RTF2: variants seen among roughly 807,000 people sequenced by gnomAD.
RTF2 encodes UPF0549 protein C20orf43.
A neutral mutation model predicts 38.0 loss-of-function variants in RTF2; 18 were observed. The observed-to-expected ratio is 0.47, with a 90% CI of 0.33 to 0.70. The LOEUF is 0.70. RTF2 is among the 30% of genes least tolerant of loss of function. The pLI, the probability that RTF2 is intolerant of heterozygous loss-of-function variation, is 0.02. For synonymous variants in RTF2, 126 were observed against 137.1 expected, an observed-to-expected ratio of 0.92 and a Z score of 0.57; for missense variants, 311 against 379.6, an observed-to-expected ratio of 0.82 and a Z score of 1.50.
chr20:56,473,374 T>C lies in RTF2; in HGVS notation c.143T>C (p.Ile48Thr), dbSNP rs763848279. 14 of 1,612,744 alleles carry C rather than the reference T, an allele frequency of 8.7e-6. No homozygotes were observed. The highest frequency in any genetic ancestry group is 2.7e-5 in the African/African-American group (2 of 74,882). Residue 48 changes from isoleucine to threonine, a missense_variant, in exon 2 of 9, where the codon ATA becomes ACA. Physicochemically the swap from Ile to Thr is moderately conservative, Grantham distance 89 (BLOSUM62 -1). Transcript: ENST00000357348. Reference sequence around the variant, plus strand: ...AGTCAGGAAATATTAAGACGACCAATAGTTGCCTGTGAACTTGGCAGGTAT... The same window carrying C: ...AGTCAGGAAATATTAAGACGACCAACAGTTGCCTGTGAACTTGGCAGGTAT... ...TLSQEILRRP[I>T]VACELGRLYN...
chr20:56,494,723 A>G (rs552799962), intron 5 of RTF2, among the ~76,000 whole-genome samples: 1 of 152,302 alleles, frequency 6.6e-6, no homozygotes, highest in African/African-American at 2.4e-5. Context: ...CTAGTCTGGT[A>G]TTTGATTTAC....
At chr20:56,487,258 C>T (rs1032187550) in intron 5 of RTF2, among the ~76,000 whole-genome samples, 1 of 152,172 alleles carries the variant, frequency 6.6e-6, no homozygotes, top group Non-Finnish European at 1.5e-5. Context: ...GGAAATACAG[C>T]GTTACAAGGG....
At position 56,473,340 on chromosome 20, in the gene RTF2, T is replaced by A. The variant is rs1438518574; in HGVS notation, c.109T>A (p.Cys37Ser). The change falls in exon 2 of 9, where the codon TGT (cysteine) becomes AGT (serine). Residue 37 changes from cysteine (C) to serine (S), a missense_variant. Transcript: ENST00000357348. ...TGAATTAGTGGCCCAATGGAACTATTGTACTCTAAGTCAGGAAATATTAAG... is the reference window on the plus strand; with the variant it reads ...TGAATTAGTGGCCCAATGGAACTATAGTACTCTAAGTCAGGAAATATTAAG... ...DAELVAQWNY[C>S]TLSQEILRRP... 1 of 1,613,938 alleles carries A rather than the reference T, an allele frequency of 6.2e-7. No individual in the cohort carries two copies. Among genetic ancestry groups the A allele is most frequent in the East Asian group, 2.2e-5 (1 of 44,888 alleles).
intron 8 of RTF2, among the ~76,000 whole-genome samples, chr20:56,517,550 A>C (rs1423092673): frequency 3.3e-5 from 5 of 152,114 alleles, no homozygotes; most frequent in African/African-American, 1.2e-4. Flanking sequence ...GAATGCCCCC[A>C]GTTTCTTTAC....
At position 56,484,110 on chromosome 20, in the gene RTF2, G is replaced by C; in HGVS notation, c.399-1G>C. ...CTTCCCCCACTGGGTTATTTCTCCAGGTTCTGCTTCCTTCGGTGCTGCGGC... is the reference window on the plus strand; with the variant it reads ...CTTCCCCCACTGGGTTATTTCTCCACGTTCTGCTTCCTTCGGTGCTGCGGC... On this transcript the variant is annotated splice_acceptor_variant, in intron 4 of 8. Transcript: ENST00000357348. LOFTEE classifies it high-confidence loss of function. The C allele has an allele frequency of 6.2e-7, 1 of 1,614,008 alleles. No individual in the cohort carries two copies. The highest frequency in any genetic ancestry group is 1.3e-5 in the African/African-American group (1 of 75,016).
At chr20:56,482,332 T>C (rs892158728) in intron 4 of RTF2, among the ~76,000 whole-genome samples, 2 of 152,252 alleles carry the variant, frequency 1.3e-5, no homozygotes, top group Non-Finnish European at 2.9e-5. Flanking sequence ...TTACATATGA[T>C]ACCTAATACA....
intron 4 of RTF2, 130 bp downstream of exon 4, chr20:56,477,254 G>A: frequency 9.9e-7 from 1 of 1,008,038 alleles, no homozygotes; most frequent in Non-Finnish European, 1.5e-6. Flanking sequence ...TGGCGCCTTG[G>A]AGGAAATGGT....
intron 5 of RTF2, among the ~76,000 whole-genome samples, chr20:56,494,816 A>G (rs770263249): frequency 6.6e-6 from 1 of 152,168 alleles, no homozygotes; most frequent in Non-Finnish European, 1.5e-5. Flanking sequence ...TTTATTTTTA[A>G]TATCTAGTCT....
intron 5 of RTF2, among the ~76,000 whole-genome samples, chr20:56,501,500 T>C (rs1197415324): frequency 2.0e-5 from 3 of 152,180 alleles, no homozygotes; most frequent in Non-Finnish European, 4.4e-5. Context: ...AGATACTTCT[T>C]GTAAAGGCTG....
At chr20:56,515,663 GAGAC>G (rs1568713963) in intron 6 of RTF2, 27 of 111,568 alleles carry the variant, frequency 2.4e-4, no homozygotes, top group African/African-American at 9.4e-4. Context: ...GTCTCAGACA[GAGAC>G]ACACACACAC....
At chr20:56,511,334 G>A (rs770347167) in intron 5 of RTF2, among the ~76,000 whole-genome samples, 4 of 151,916 alleles carry the variant, frequency 2.6e-5, no homozygotes, top group Non-Finnish European at 2.9e-5. Context: ...TGTGAACTGC[G>A]CACGTGAGGG....
At chr20:56,473,765 G>A (rs1274931396) in intron 2 of RTF2, among the ~76,000 whole-genome samples, 1 of 152,138 alleles carries the variant, frequency 6.6e-6, no homozygotes, top group Non-Finnish European at 1.5e-5. Flanking sequence ...GCATGATCCT[G>A]TAGTCCCAGC....
At chr20:56,479,955 C>T (rs540926919) in intron 4 of RTF2, among the ~76,000 whole-genome samples, 1 of 151,954 alleles carries the variant, frequency 6.6e-6, no homozygotes, top group Non-Finnish European at 1.5e-5. Context: ...GACTTACCAT[C>T]ATTCTTAAGA....
At chr20:56,493,111 G>A (rs1983278021) in intron 5 of RTF2, among the ~76,000 whole-genome samples, 1 of 152,154 alleles carries the variant, frequency 6.6e-6, no homozygotes, top group Middle Eastern at 3.2e-3. Context: ...GGGAGTCAGA[G>A]GTTGCAGTGA....
chr20:56,475,398 C>A (rs1052269110), intron 3 of RTF2, among the ~76,000 whole-genome samples: 3 of 152,210 alleles, frequency 2.0e-5, no homozygotes, highest in Non-Finnish European at 2.9e-5. Flanking sequence ...AACTCCCAGT[C>A]TAAGGCTCTA....
chr20:56,481,033 G>C (rs1453958894), intron 4 of RTF2, among the ~76,000 whole-genome samples: 2 of 152,158 alleles, frequency 1.3e-5, no homozygotes, highest in Middle Eastern at 3.2e-3. Flanking sequence ...CAGGATTGCC[G>C]TGAACCTTCA....
At chr20:56,487,665 G>A (rs888446976) in intron 5 of RTF2, among the ~76,000 whole-genome samples, 1 of 152,162 alleles carries the variant, frequency 6.6e-6, no homozygotes, top group African/African-American at 2.4e-5. Flanking sequence ...TAGTTTGTTG[G>A]GGCTGCTGTA....
intron 5 of RTF2, among the ~76,000 whole-genome samples, chr20:56,512,801 C>G (rs564820965): frequency 1.3e-5 from 2 of 152,292 alleles, no homozygotes; most frequent in Admixed American, 1.3e-4. Flanking sequence ...TACGCGCACT[C>G]CCTCCCTCAA....
intron 5 of RTF2, chr20:56,495,177 T>G (rs966210281): frequency 1.3e-6 from 2 of 1,500,306 alleles, no homozygotes; most frequent in Non-Finnish European, 1.8e-6. Flanking sequence ...AAGCCTTTTT[T>G]GTTTTGTTTT....
Sources: allele counts gnomAD v4.1 joint callset (sites outside exome capture counted in the v4.1 genomes callset), GRCh38; gene constraint gnomAD v4.1.1; transcripts MANE v1.5; gene names NCBI Gene and HGNC (gene_info 2026-07-23, HGNC 2026-07-21).